The following NLRP4 variants were observed in gnomAD, a reference collection of about 807,000 sequenced individuals.
NLRP4 encodes the protein NLR family pyrin domain containing 4.
A neutral mutation model predicts 84.7 loss-of-function variants in NLRP4; 44 were observed. The ratio of observed to expected loss-of-function variants is 0.52; its 90% confidence interval spans 0.41 to 0.67. The LOEUF (loss-of-function observed/expected upper bound fraction) is 0.67, where lower values mean the gene tolerates loss of function less well. Among genes scored for constraint, NLRP4 ranks in the 30% least tolerant of loss-of-function variants. NLRP4 has a pLI of 0.00. For missense variants in NLRP4, 1,260 were observed against 1,219.4 expected (o/e 1.03, Z -0.50); for synonymous variants, 544 against 476.4 (o/e 1.14, Z -1.85).
intron 2 of NLRP4, among the ~76,000 whole-genome samples, chr19:55,856,509 ATCTT>A (rs1326226755): frequency 4.5e-4 from 60 of 132,786 alleles, no homozygotes; most frequent in African/African-American, 1.7e-3. Context: ...CTGTTGCTGG[ATCTT>A]TTTTTTTTTT....
chr19:55,880,317 T>G (rs571119235), intron 9 of NLRP4, among the ~76,000 whole-genome samples: 1 of 152,332 alleles, frequency 6.6e-6, no homozygotes, highest in South Asian at 2.1e-4. Flanking sequence ...ACTACCAAAG[T>G]AGACACGTGA....
chr19:55,870,477 A>T (rs186861330), intron 6 of NLRP4, among the ~76,000 whole-genome samples: 2 of 152,206 alleles, frequency 1.3e-5, no homozygotes, highest in Non-Finnish European at 2.9e-5. Flanking sequence ...AGCCTGGCTA[A>T]CATGGTGAAA....
chr19:55,863,703 G>C (rs182191900), intron 5 of NLRP4, among the ~76,000 whole-genome samples: 1 of 152,178 alleles, frequency 6.6e-6, no homozygotes, highest in South Asian at 2.1e-4. Flanking sequence ...GTGAAGGAGA[G>C]GGGTACAGGA....
intron 1 of NLRP4, among the ~76,000 whole-genome samples, chr19:55,842,788 G>A (rs1983659540): frequency 6.6e-6 from 1 of 151,726 alleles, no homozygotes; most frequent in Admixed American, 6.6e-5. Flanking sequence ...GAGATGGAGT[G>A]TTGCTCTGTC....
intron 5 of NLRP4, among the ~76,000 whole-genome samples, chr19:55,864,468 C>G (rs1390321561): frequency 6.6e-6 from 1 of 151,996 alleles, no homozygotes; most frequent in Non-Finnish European, 1.5e-5. Context: ...TTCTAGTCCT[C>G]TAGTGATGAA....
At chr19:55,839,238 T>C (rs1008751093) in intron 1 of NLRP4, among the ~76,000 whole-genome samples, 58 of 152,258 alleles carry the variant, frequency 3.8e-4, no homozygotes, top group African/African-American at 1.3e-3. Context: ...TGTTTGGTTT[T>C]CTGTTCCAGT....
chr19:55,870,445 CT>C (rs1985131135), intron 6 of NLRP4, among the ~76,000 whole-genome samples: 1 of 152,148 alleles, frequency 6.6e-6, no homozygotes, highest in Non-Finnish European at 1.5e-5. Flanking sequence ...GGCAGATCAC[CT>C]GAGGTCCGGA....
intron 3 of NLRP4, among the ~76,000 whole-genome samples, chr19:55,859,939 AAAAAAAAAAAAAAC>A (rs1168528204): frequency 2.8e-5 from 4 of 144,314 alleles, no homozygotes; most frequent in African/African-American, 5.1e-5. Flanking sequence ...AAAAAAAAAA[AAAAAAAAAAAAAAC>A]AAAACACAAA....
At chr19:55,852,665 T>C (rs11084410) in intron 2 of NLRP4, among the ~76,000 whole-genome samples, 3,899 of 152,020 alleles carry the variant, frequency 0.026, 92 homozygotes, top group East Asian at 0.091. Flanking sequence ...TTAGTAGAGA[T>C]GGGGTTTCAC....
chr19:55,867,628 C>G lies in NLRP4; in HGVS notation c.2187-81C>G. 4 of 1,326,618 alleles carry G rather than the reference C, an allele frequency of 3.0e-6. No homozygotes were observed. The South Asian group carries it at 5.3e-5, about 18-fold the overall frequency. The allele number at this position is 1,326,618 out of a possible 1,614,324, so 82.2% of individuals were successfully genotyped here. On this transcript the variant is annotated intron_variant, in intron 5 of 9. Transcript: ENST00000301295. ...TCTCAAGGACAGCAAATGTGGGCTT[C>G]CCGACTCTGACAGGATTGGCAAGAG...
chr19:55,849,915 CCGCGG>C (rs1370203013), intron 1 of NLRP4, among the ~76,000 whole-genome samples: 13 of 144,798 alleles, frequency 9.0e-5, no homozygotes, highest in Admixed American at 7.2e-4. Context: ...ATTTCCGTAG[CCGCGG>C]TGTAATTTCC....
chr19:55,845,896 T>G (rs1983777184), intron 1 of NLRP4, among the ~76,000 whole-genome samples: 1 of 146,916 alleles, frequency 6.8e-6, no homozygotes, highest in African/African-American at 2.7e-5. Flanking sequence ...TAAATTTGTT[T>G]GAGTTCATTG....
chr19:55,864,340 C>T (rs1984873857), intron 5 of NLRP4, among the ~76,000 whole-genome samples: 1 of 152,226 alleles, frequency 6.6e-6, no homozygotes. Flanking sequence ...TTGCGAATGG[C>T]TTACTTTCAC....
chr19:55,842,995 G>A (rs183419523), intron 1 of NLRP4, among the ~76,000 whole-genome samples: 66 of 151,142 alleles, frequency 4.4e-4, no homozygotes, highest in Non-Finnish European at 7.7e-4. Context: ...TCCTGACCTC[G>A]TGATCCGCCC....
At chr19:55,844,800 C>T (rs1251712376) in intron 1 of NLRP4, among the ~76,000 whole-genome samples, 3 of 152,086 alleles carry the variant, frequency 2.0e-5, no homozygotes, top group Non-Finnish European at 2.9e-5. Context: ...GTAACTTTTG[C>T]AGGGGGACAT....
Position 55,852,035 on chromosome 19 carries a change from C to T in NLRP4, c.-46C>T, listed in dbSNP as rs200452591. Reference sequence around the variant, plus strand: ...CTACAGGTTTTATTTATTTATTGTTCCTGGTCACTGTCTCTTTGAGGATTG... The same window carrying T: ...CTACAGGTTTTATTTATTTATTGTTTCTGGTCACTGTCTCTTTGAGGATTG... On this transcript the variant is annotated 5_prime_UTR_variant, in exon 2 of 10. Coordinates refer to ENST00000301295, the MANE Select transcript of NLRP4 (RefSeq NM_134444.5). 19 of 1,406,924 alleles carry T rather than the reference C, an allele frequency of 1.4e-5. No individual in the cohort carries two copies. Among genetic ancestry groups the T allele is most frequent in the Middle Eastern group, 1.8e-4 (1 of 5,646 alleles). The allele number at this position is 1,406,924 out of a possible 1,614,324, so 87.2% of individuals were successfully genotyped here. A position where few individuals can be genotyped will look rare whatever the true frequency, so the allele number is the denominator to read the frequency against.
At chr19:55,862,760 T>G (rs986069823) in intron 5 of NLRP4, among the ~76,000 whole-genome samples, 4 of 152,194 alleles carry the variant, frequency 2.6e-5, no homozygotes, top group Non-Finnish European at 1.5e-5. Context: ...GACCACTGAT[T>G]GGGTTTCAGA....
rs776334078 is a variant in NLRP4 at position 55,858,875 on chromosome 19, A to G, written c.1482A>G (p.Ala494=). Residue 494 remains alanine, a synonymous_variant, in exon 3 of 10, where the codon GCA becomes GCG. Transcript: ENST00000301295. This position sits in a 1 kb window ranked among gnomAD's most constrained non-coding sequence, Gnocchi z 4.2. ...CCAATTTTGAAAAAGCAAGGAGAGCACATTGGATTTTTTTGGGGTGTTTTC... is the reference window on the plus strand; with the variant it reads ...CCAATTTTGAAAAAGCAAGGAGAGCGCATTGGATTTTTTTGGGGTGTTTTC... ...LVANFEKARR[A]HWIFLGCFLT... 21 of 1,614,226 alleles carry G rather than the reference A, an allele frequency of 1.3e-5. No individual in the cohort carries two copies. In the South Asian group the frequency reaches 2.3e-4, roughly 18 times the overall value.
chr19:55,859,883 C>T (rs1361496725), intron 3 of NLRP4, among the ~76,000 whole-genome samples: 1 of 126,438 alleles, frequency 7.9e-6, no homozygotes, highest in African/African-American at 3.0e-5. Context: ...GCTGAGATCG[C>T]ACCACTGCCC....
Sources: gnomAD v4.1 joint callset for allele counts (sites outside exome capture counted in the v4.1 genomes callset) on GRCh38, gnomAD v4.1.1 for gene constraint, Gnocchi (gnomAD v3.1) non-coding constraint, MANE v1.5 for transcripts, NCBI Gene and HGNC (gene_info 2026-07-23, HGNC 2026-07-21) for gene names.